The following TOX2 variants were observed in gnomAD, a reference collection of about 807,000 sequenced individuals.
TOX2 encodes TOX high mobility group box family member 2, also known as granulosa cell HMG box 1.
Under a neutral mutation model 47.4 loss-of-function variants are expected in TOX2, and 15 were observed. The observed-to-expected ratio is 0.32, with a 90% CI of 0.21 to 0.49. The LOEUF (loss-of-function observed/expected upper bound fraction) is 0.49. TOX2 is among the 20% of genes least tolerant of loss of function. The pLI is 0.99. For missense variants in TOX2, 622 were observed against 673.1 expected (o/e 0.92, Z 0.84); for synonymous variants, 290 against 296.6 (o/e 0.98, Z 0.23).
At chr20:43,952,329 C>A (rs952418176) in intron 1 of TOX2, among the ~76,000 whole-genome samples, 6 of 152,166 alleles carry the variant, frequency 3.9e-5, no homozygotes, top group African/African-American at 1.4e-4. Flanking sequence ...TGAGCCACTG[C>A]CCCTGGCCTA....
intron 2 of TOX2, among the ~76,000 whole-genome samples, chr20:43,987,469 A>G (rs1194447640): frequency 6.6e-6 from 1 of 152,168 alleles, no homozygotes; most frequent in African/African-American, 2.4e-5. Context: ...ACTTTATGAA[A>G]ATTCATTGAG....
intron 5 of TOX2, among the ~76,000 whole-genome samples, chr20:44,062,608 A>C (rs6031334): frequency 0.06 from 9,075 of 152,096 alleles, 729 homozygotes; most frequent in African/African-American, 0.18. Flanking sequence ...TCCCATCAAA[A>C]CACCACCAAC....
chr20:44,048,005 G>C (rs2071438592), intron 3 of TOX2, among the ~76,000 whole-genome samples: 2 of 152,070 alleles, frequency 1.3e-5, no homozygotes, highest in Admixed American at 6.6e-5. Flanking sequence ...GATCACTTGA[G>C]GTCAGGAGTT....
chr20:43,981,331 A>G lies in TOX2; in HGVS notation c.165+7899A>G, dbSNP rs1600705240. 2.0e-5 allele frequency among the ~76,000 whole-genome samples: 3 copies of G among 152,370 alleles called. No individual in the cohort carries two copies. In the South Asian group the frequency reaches 6.2e-4, roughly 32 times the overall value. ...TATATTTGTACATATGAGAAATGAC[A>G]TATTCAAGACTATTCATTTTGATAT... On this transcript the variant is annotated intron_variant, in intron 2 of 8. Coordinates refer to ENST00000341197, the MANE Select transcript of TOX2 (RefSeq NM_001098797.2).
At chr20:43,962,630 G>A (rs1412235844) in intron 1 of TOX2, among the ~76,000 whole-genome samples, 2 of 152,156 alleles carry the variant, frequency 1.3e-5, no homozygotes, top group South Asian at 2.1e-4. Context: ...TGAATGCCTC[G>A]TTACCAGACT....
chr20:44,015,713 GTGTT>G (rs1168663032), intron 3 of TOX2, among the ~76,000 whole-genome samples: 1 of 152,122 alleles, frequency 6.6e-6, no homozygotes, highest in Admixed American at 6.5e-5. Context: ...TTTTTTGTAT[GTGTT>G]TGTTTTTCTG....
intron 1 of TOX2, among the ~76,000 whole-genome samples, chr20:43,959,814 T>C (rs142003222): frequency 2.0e-5 from 3 of 152,316 alleles, no homozygotes; most frequent in African/African-American, 4.8e-5. Context: ...AATACAAATA[T>C]TGGCAGCGCA....
intron 3 of TOX2, among the ~76,000 whole-genome samples, chr20:44,018,428 T>G (rs1289361239): frequency 6.6e-6 from 1 of 152,210 alleles, no homozygotes; most frequent in Non-Finnish European, 1.5e-5. Context: ...ATTCGTCAGC[T>G]GCAGCCTCGA....
intron 1 of TOX2, among the ~76,000 whole-genome samples, chr20:43,956,177 G>A (rs1455983415): frequency 1.3e-5 from 2 of 152,138 alleles, no homozygotes; most frequent in African/African-American, 2.4e-5. Context: ...TAGGCCCCAC[G>A]AACCTGGCTT....
chr20:44,058,195 G>T (rs901323225), intron 5 of TOX2, among the ~76,000 whole-genome samples: 1 of 151,232 alleles, frequency 6.6e-6, no homozygotes, highest in African/African-American at 2.4e-5. Context: ...TGCTTTCTCA[G>T]CTGGGAGGCC....
At chr20:44,018,476 A>G (rs2070919546) in intron 3 of TOX2, among the ~76,000 whole-genome samples, 3 of 152,168 alleles carry the variant, frequency 2.0e-5, no homozygotes, top group African/African-American at 7.2e-5. Flanking sequence ...CCGAGTGCAT[A>G]TTCAGGACCA....
chr20:43,920,011 A>G (rs4812764), intron 1 of TOX2, among the ~76,000 whole-genome samples: 64,149 of 152,080 alleles, frequency 0.42, 13,838 homozygotes, highest in African/African-American at 0.48. Context: ...GATTGGATTC[A>G]GTTGGTCTGG....
At chr20:43,940,541 CA>C (rs2069390022) in intron 1 of TOX2, among the ~76,000 whole-genome samples, 1 of 151,324 alleles carries the variant, frequency 6.6e-6, no homozygotes, top group South Asian at 2.1e-4. Context: ...TTTTTTCCCC[CA>C]GGAAAACTCT....
Position 43,932,780 on chromosome 20 carries a change from C to CG in TOX2, c.99+17790_99+17791insG, listed in dbSNP as rs1569008713. 1.0e-4 allele frequency among the ~76,000 whole-genome samples: 14 copies of CG among 140,130 alleles called. 1 individual carries two copies. Among genetic ancestry groups the CG allele is most frequent in the East Asian group, 7.7e-4 (3 of 3,904 alleles). The allele number at this position is 140,130 out of a possible 152,430, so 91.9% of individuals were successfully genotyped here. A position where few individuals can be genotyped will look rare whatever the true frequency, so the allele number is the denominator to read the frequency against. ...GGGTTGGAGAGGGGTTGCTGCCCCC[C>CG]CCCGCCATTTCTGACTGAGGGCAGG... is the stretch of plus-strand genomic sequence containing the variant. On this transcript the variant is annotated intron_variant, in intron 1 of 8. Transcript: ENST00000341197.
At chr20:43,941,005 G>A (rs2069395789) in intron 1 of TOX2, among the ~76,000 whole-genome samples, 1 of 152,230 alleles carries the variant, frequency 6.6e-6, no homozygotes, top group Non-Finnish European at 1.5e-5. Flanking sequence ...GGGCATGACA[G>A]AGCTAAAATT....
intron 3 of TOX2, among the ~76,000 whole-genome samples, chr20:44,035,977 C>G (rs1293035272): frequency 6.6e-6 from 1 of 152,198 alleles, no homozygotes; most frequent in Non-Finnish European, 1.5e-5. Context: ...TGAGATGTCC[C>G]AAATTGAGTC....
intron 2 of TOX2, among the ~76,000 whole-genome samples, chr20:43,990,395 G>C (rs1372543194): frequency 6.6e-6 from 1 of 152,132 alleles, no homozygotes; most frequent in Non-Finnish European, 1.5e-5. Context: ...CCCCCTGATG[G>C]GATGTTTGGG....
chr20:44,031,209 T>C (rs561447486), intron 3 of TOX2, among the ~76,000 whole-genome samples: 1 of 152,264 alleles, frequency 6.6e-6, no homozygotes, highest in East Asian at 1.9e-4. Context: ...GCAGCGCTGC[T>C]TCCTCCACTG....
At chr20:44,030,701 G>C (rs767726459) in intron 3 of TOX2, among the ~76,000 whole-genome samples, 5 of 151,858 alleles carry the variant, frequency 3.3e-5, no homozygotes, top group Admixed American at 2.6e-4. Context: ...CAGGGCAGGG[G>C]AGTCCCAGTG....
Sources: gnomAD v4.1 joint callset for allele counts (sites outside exome capture counted in the v4.1 genomes callset) on GRCh38, gnomAD v4.1.1 for gene constraint, MANE v1.5 for transcripts, NCBI Gene and HGNC (gene_info 2026-07-23, HGNC 2026-07-21) for gene names.